ITPR1: variants seen among roughly 807,000 people sequenced by gnomAD.
ITPR1 encodes the protein inositol 1,4,5-trisphosphate receptor type 1.
A neutral mutation model predicts 318.4 loss-of-function variants in ITPR1; 96 were observed. That is an observed-to-expected ratio of 0.30 (90% CI 0.26 to 0.36). The LOEUF is 0.36. Among genes scored for constraint, ITPR1 ranks in the 10% least tolerant of loss-of-function variants. ITPR1 has a pLI of 1.00. For synonymous variants in ITPR1, 1,312 were observed against 1,289.9 expected, an observed-to-expected ratio of 1.02 and a Z score of -0.37; for missense variants, 2,440 against 3,460.2, an observed-to-expected ratio of 0.71 and a Z score of 7.40.
At chr3:4,500,646 A>G (rs921243371) in intron 2 of ITPR1, among the ~76,000 whole-genome samples, 10 of 152,198 alleles carry the variant, frequency 6.6e-5, no homozygotes, top group African/African-American at 2.4e-4. Context: ...CAATTGACCT[A>G]TCCTTGCCTT....
chr3:4,701,316 A>G (rs2094647776), intron 35 of ITPR1, among the ~76,000 whole-genome samples: 1 of 152,216 alleles, frequency 6.6e-6, no homozygotes, highest in African/African-American at 2.4e-5. Context: ...GGTGATGGTG[A>G]AGGCTAAATA....
chr3:4,534,928 C>A (rs1036324837), intron 4 of ITPR1, among the ~76,000 whole-genome samples: 2 of 152,120 alleles, frequency 1.3e-5, no homozygotes, highest in Non-Finnish European at 2.9e-5. Flanking sequence ...AACTTTGCTT[C>A]GGTCTTGTCG....
At chr3:4,523,154 C>A (rs898542029) in intron 4 of ITPR1, among the ~76,000 whole-genome samples, 1 of 152,138 alleles carries the variant, frequency 6.6e-6, no homozygotes, top group African/African-American at 2.4e-5. Flanking sequence ...GAGGGATATG[C>A]GTCCGGAAGG....
chr3:4,666,429 C>T (rs1219353860), intron 17 of ITPR1, among the ~76,000 whole-genome samples: 1 of 152,122 alleles, frequency 6.6e-6, no homozygotes, highest in Non-Finnish European at 1.5e-5. Context: ...GATGAGGATA[C>T]ATCTGGGTCT....
chr3:4,808,317 G>A (rs559491108), intron 55 of ITPR1, among the ~76,000 whole-genome samples: 11 of 152,228 alleles, frequency 7.2e-5, no homozygotes, highest in Non-Finnish European at 1.6e-4. Context: ...AGTAACTGGT[G>A]GAGGCAGGAG....
intron 6 of ITPR1, 77 bp downstream of exon 6, chr3:4,639,547 A>C: frequency 9.0e-7 from 1 of 1,106,344 alleles, no homozygotes; most frequent in Non-Finnish European, 1.3e-6. Context: ...CACCTAAGAC[A>C]GGGTTTGGAC....
chr3:4,620,606 A>G (rs536635036), intron 4 of ITPR1, among the ~76,000 whole-genome samples: 1 of 146,898 alleles, frequency 6.8e-6, no homozygotes, highest in Admixed American at 6.8e-5. Context: ...ATCTTTATTT[A>G]TTGCAACTTG....
chr3:4,804,394 G>C (rs2048429263), intron 54 of ITPR1, among the ~76,000 whole-genome samples: 1 of 152,124 alleles, frequency 6.6e-6, no homozygotes, highest in South Asian at 2.1e-4. Context: ...GAAGACTGCT[G>C]GGTGCGCAGA....
chr3:4,700,354 T>G (rs1395871015), intron 35 of ITPR1, among the ~76,000 whole-genome samples: 1 of 152,236 alleles, frequency 6.6e-6, no homozygotes, highest in Non-Finnish European at 1.5e-5. Flanking sequence ...ACATGCATGG[T>G]CATCTCATAT....
At chr3:4,722,471 T>TA (rs1575013366) in intron 40 of ITPR1, among the ~76,000 whole-genome samples, 1 of 152,088 alleles carries the variant, frequency 6.6e-6, no homozygotes, top group East Asian at 1.9e-4. Flanking sequence ...ACCTTTCATG[T>TA]AAAAAACGTG....
At chr3:4,834,604 G>A (rs1038903085) in intron 60 of ITPR1, among the ~76,000 whole-genome samples, 2 of 152,130 alleles carry the variant, frequency 1.3e-5, no homozygotes, top group African/African-American at 2.4e-5. Flanking sequence ...TGAAAAATGA[G>A]GTTTCCTCCT....
At chr3:4,825,640 C>G in intron 60 of ITPR1, 1 of 441,452 alleles carries the variant, frequency 2.3e-6, no homozygotes, top group Non-Finnish European at 4.5e-6. Context: ...ACACAGGAAG[C>G]AAATACAGAA....
intron 2 of ITPR1, among the ~76,000 whole-genome samples, chr3:4,515,806 G>A (rs1346016965): frequency 2.0e-5 from 3 of 152,120 alleles, no homozygotes; most frequent in East Asian, 3.8e-4. Flanking sequence ...GAAGGATCTG[G>A]GCCAGGTACT....
At chr3:4,661,134 A>C in intron 14 of ITPR1, 47 bp downstream of exon 14, 1 of 1,079,034 alleles carries the variant, frequency 9.3e-7, no homozygotes, top group Non-Finnish European at 1.4e-6. Flanking sequence ...GTGTTTCCTA[A>C]TGAAAGGGCT....
chr3:4,735,147 A>C lies in ITPR1; in HGVS notation c.5354-17A>C. The C allele has an allele frequency of 6.2e-7, 1 of 1,605,592 alleles. No individual in the cohort carries two copies. The highest frequency in any genetic ancestry group is 1.1e-5 in the South Asian group (1 of 90,664). On this transcript the variant is annotated splice_polypyrimidine_tract_variant and intron_variant, in intron 43 of 61. Coordinates refer to ENST00000649015, the MANE Select transcript of ITPR1 (RefSeq NM_001378452.1). ...GTTCTGATTGTGCTTAGTAAAAACA[A>C]TATTCCATCTTCTTAGGGGGAGGTT...
chr3:4,713,581 C>G (rs1021842120), intron 39 of ITPR1, among the ~76,000 whole-genome samples: 1 of 152,132 alleles, frequency 6.6e-6, no homozygotes, highest in African/African-American at 2.4e-5. Context: ...CCATTAGTGC[C>G]AACTGGGAGA....
chr3:4,506,472 A>G lies in ITPR1; in HGVS notation c.-16-10004A>G, dbSNP rs575644525. Among the ~76,000 whole-genome samples the G allele has an allele frequency of 3.3e-5, 5 of 152,260 alleles. No individual in the cohort carries two copies. In the South Asian group the frequency reaches 1.0e-3, roughly 32 times the overall value. On this transcript the variant is annotated intron_variant, in intron 2 of 61. Transcript: ENST00000649015. ...ATCTTGTTTTTTCTGACCAGCCAAA[A>G]TTGCATTGTCACTTAATCATATCAC... is the stretch of plus-strand genomic sequence containing the variant.
Position 4,814,227 on chromosome 3 carries a change from G to A in ITPR1, c.7562-196G>A, listed in dbSNP as rs535156342. Reference sequence around the variant, plus strand: ...TACTACCATAGCTGGAGAAATTAGCGGGGGTTAGCGATGAAAACAGTTGCC... The same window carrying A: ...TACTACCATAGCTGGAGAAATTAGCAGGGGTTAGCGATGAAAACAGTTGCC... On this transcript the variant is annotated intron_variant, in intron 57 of 61. Transcript: ENST00000649015. The A allele has an allele frequency of 2.8e-4, 170 of 607,154 alleles. 1 individual carries two copies. Among genetic ancestry groups the A allele is most frequent in the South Asian group, 2.5e-3 (139 of 54,992 alleles). The allele number at this position is 607,154 out of a possible 1,614,324, so 37.6% of individuals were successfully genotyped here.
chr3:4,831,644 C>T (rs1246934859), intron 60 of ITPR1, among the ~76,000 whole-genome samples: 2 of 152,146 alleles, frequency 1.3e-5, no homozygotes, highest in Admixed American at 6.5e-5. Context: ...TCCAAAAATC[C>T]ATTAGAAGCC....
Sources: gnomAD v4.1 joint callset for allele counts (sites outside exome capture counted in the v4.1 genomes callset) on GRCh38, gnomAD v4.1.1 for gene constraint, MANE v1.5 for transcripts, NCBI Gene and HGNC (gene_info 2026-07-23, HGNC 2026-07-21) for gene names.